Variants in PARD3 observed in about 807,000 individuals in gnomAD.
PARD3 encodes par-3 family cell polarity regulator, also known as partitioning defective 3 homolog.
A neutral mutation model predicts 155.4 loss-of-function variants in PARD3; 75 were observed. The ratio of observed to expected loss-of-function variants is 0.48; its 90% CI spans 0.40 to 0.58. The LOEUF (loss-of-function observed/expected upper bound fraction) is 0.58. PARD3 is among the 20% of genes least tolerant of loss of function. The pLI is 0.00. For synonymous variants in PARD3, 576 were observed against 610.5 expected (o/e 0.94, Z 0.83); for missense variants, 1,642 against 1,721.7 (o/e 0.95, Z 0.82).
At chr10:34,397,784 A>G (rs969741820) in intron 7 of PARD3, among the ~76,000 whole-genome samples, 1 of 152,216 alleles carries the variant, frequency 6.6e-6, no homozygotes, top group African/African-American at 2.4e-5. Flanking sequence ...TACAGACACA[A>G]TTAAATCTCA....
rs7100761 is a variant in PARD3 at position 34,719,353 on chromosome 10, A to G, written c.121-22934T>C. ...GGCCCCAAATAAATTTTAATTCTAA[A>G]ATTTTAAGGATTATTTCATTTTCTT... is the stretch of plus-strand genomic sequence containing the variant. On this transcript the variant is annotated intron_variant, in intron 1 of 24. Transcript: ENST00000374788. Among the ~76,000 whole-genome samples, 1,324 of 152,314 alleles carry G rather than the reference A, an allele frequency of 8.7e-3. 18 individuals are homozygous for G. Among genetic ancestry groups the G allele is most frequent in the African/African-American group, 0.029 (1,212 of 41,566 alleles).
chr10:34,353,266 C>A (rs530374334), intron 14 of PARD3, among the ~76,000 whole-genome samples: 12 of 152,164 alleles, frequency 7.9e-5, no homozygotes, highest in African/African-American at 2.9e-4. Flanking sequence ...GCAGTTTTGT[C>A]GAGTAGAAAA....
intron 12 of PARD3, among the ~76,000 whole-genome samples, chr10:34,370,805 GGGGTGTGT>G (rs2134618509): frequency 9.6e-6 from 1 of 103,822 alleles, no homozygotes; most frequent in Admixed American, 1.1e-4. Context: ...AGATACAAAT[GGGGTGTGT>G]GTGTGTGTGT....
intron 1 of PARD3, among the ~76,000 whole-genome samples, chr10:34,810,619 T>C (rs117838223): frequency 3.3e-5 from 5 of 152,324 alleles, no homozygotes; most frequent in East Asian, 1.9e-4. Context: ...CATTCTTACC[T>C]ATCCTTCAAT....
chr10:34,314,139 A>G lies in PARD3; in HGVS notation c.3065+2968T>C, dbSNP rs140987756. ...TCCTAGTTTTCTTAAAAGAACAAAG[A>G]GAAAGGAAGAGACCAATTTTTAAAT... On this transcript the variant is annotated intron_variant, in intron 20 of 24. Transcript: ENST00000374788. 7.9e-3 allele frequency among the ~76,000 whole-genome samples: 1,210 copies of G among 152,264 alleles called. 18 individuals are homozygous for G. The highest frequency in any genetic ancestry group is 0.028 in the African/African-American group (1,146 of 41,552).
At chr10:34,345,483 C>T in intron 15 of PARD3, 1 of 985,124 alleles carries the variant, frequency 1.0e-6, no homozygotes, top group Middle Eastern at 5.2e-4. Context: ...GTAAATACCT[C>T]AACCTCCACT....
At chr10:34,786,655 A>G (rs1840998777) in intron 1 of PARD3, among the ~76,000 whole-genome samples, 3 of 145,876 alleles carry the variant, frequency 2.1e-5, no homozygotes, top group Admixed American at 2.0e-4. Context: ...AGCGTATGAC[A>G]GGGACAGATC....
At position 34,459,525 on chromosome 10, in the gene PARD3, T is replaced by C. The variant is rs2077515502; in HGVS notation, c.583-9077A>G. Among the ~76,000 whole-genome samples, 5 of 152,198 alleles carry C rather than the reference T, an allele frequency of 3.3e-5. No homozygotes were observed. In the South Asian group the frequency reaches 1.0e-3, roughly 32 times the overall value. On this transcript the variant is annotated intron_variant, in intron 4 of 24. Coordinates refer to ENST00000374788, the MANE Select transcript of PARD3 (RefSeq NM_001184785.2). ...AAATATGTATGCTCCAAAACTAAAATTATAAGTAACAATAGCATTTTGCAT... is the reference window on the plus strand; with the variant it reads ...AAATATGTATGCTCCAAAACTAAAACTATAAGTAACAATAGCATTTTGCAT...
chr10:34,254,870 T>C (rs975017675), intron 22 of PARD3, among the ~76,000 whole-genome samples: 5 of 152,106 alleles, frequency 3.3e-5, no homozygotes, highest in Non-Finnish European at 5.9e-5. Context: ...GGCTGCCAGA[T>C]ACACTGACAG....
chr10:34,735,571 A>C (rs1203891022), intron 1 of PARD3, among the ~76,000 whole-genome samples: 1 of 152,156 alleles, frequency 6.6e-6, no homozygotes, highest in Non-Finnish European at 1.5e-5. Flanking sequence ...TAAGCATTCC[A>C]TCTCCTGGGC....
intron 1 of PARD3, among the ~76,000 whole-genome samples, chr10:34,753,760 C>G (rs1836348667): frequency 6.6e-6 from 1 of 152,012 alleles, no homozygotes; most frequent in Non-Finnish European, 1.5e-5. Context: ...GCAAATCCAG[C>G]CATGGAGAGA....
At chr10:34,622,437 C>T (rs540099869) in intron 2 of PARD3, among the ~76,000 whole-genome samples, 4 of 152,276 alleles carry the variant, frequency 2.6e-5, no homozygotes, top group South Asian at 4.1e-4. Context: ...AAAAATAATA[C>T]ATTAGAACTT....
intron 3 of PARD3, among the ~76,000 whole-genome samples, chr10:34,480,983 A>G (rs1205160186): frequency 6.6e-6 from 1 of 151,330 alleles, no homozygotes; most frequent in Non-Finnish European, 1.5e-5. Context: ...TGTAATTTTA[A>G]TAGAGATGGG....
intron 5 of PARD3, among the ~76,000 whole-genome samples, chr10:34,435,591 AAG>A (rs1233585391): frequency 6.6e-6 from 1 of 152,224 alleles, no homozygotes; most frequent in Non-Finnish European, 1.5e-5. Flanking sequence ...CTTGTATCTT[AAG>A]AAGGTGTGCT....
At chr10:34,507,251 C>CA in intron 3 of PARD3, among the ~76,000 whole-genome samples, 1 of 151,870 alleles carries the variant, frequency 6.6e-6, no homozygotes, top group Non-Finnish European at 1.5e-5. Context: ...TTTTTTAATG[C>CA]AAAAAAGAAC....
At chr10:34,247,915 TACA>T (rs1183445909) in intron 22 of PARD3, among the ~76,000 whole-genome samples, 6 of 152,234 alleles carry the variant, frequency 3.9e-5, no homozygotes, top group African/African-American at 1.4e-4. Context: ...GTTCAAGTAT[TACA>T]ACATCATTCA....
intron 2 of PARD3, among the ~76,000 whole-genome samples, chr10:34,694,182 G>A (rs1050553724): frequency 6.6e-6 from 1 of 151,734 alleles, no homozygotes; most frequent in African/African-American, 2.4e-5. Flanking sequence ...AAAAAAAGAA[G>A]GACGAAGAAG....
intron 22 of PARD3, among the ~76,000 whole-genome samples, chr10:34,260,059 C>T (rs1476571209): frequency 2.0e-5 from 3 of 152,112 alleles, no homozygotes; most frequent in East Asian, 1.9e-4. Flanking sequence ...AGGCTGATTT[C>T]GAACTCCTGG....
chr10:34,528,709 T>C (rs1404767384), intron 2 of PARD3, among the ~76,000 whole-genome samples: 1 of 152,190 alleles, frequency 6.6e-6, no homozygotes, highest in East Asian at 1.9e-4. Context: ...TTAAGCCATA[T>C]AGACTTTATC....
Sources: gnomAD v4.1 joint callset for allele counts (sites outside exome capture counted in the v4.1 genomes callset) on GRCh38, gnomAD v4.1.1 for gene constraint, MANE v1.5 for transcripts, NCBI Gene and HGNC (gene_info 2026-07-23, HGNC 2026-07-21) for gene names.